TMA16: variants seen among roughly 807,000 people sequenced by gnomAD.
The protein encoded by TMA16 is translation machinery associated 16 homolog.
In TMA16, 26 loss-of-function variants were observed where a neutral mutation model predicts 27.1. The observed-to-expected ratio is 0.96, with a 90% CI of 0.70 to 1.33. TMA16 has a LOEUF of 1.33. Among genes scored for constraint, TMA16 ranks in the 40% most tolerant of loss-of-function variants. The probability of loss-of-function intolerance (pLI) is 0.00; values close to 1 mark genes in which losing one functional copy is unlikely to be tolerated. For missense variants in TMA16, 233 were observed against 241.4 expected (o/e 0.97, Z 0.23); for synonymous variants, 71 against 81.9 (o/e 0.87, Z 0.72).
intron 2 of TMA16, among the ~76,000 whole-genome samples, chr4:163,509,453 AAC>A (rs1220475194): frequency 6.6e-6 from 1 of 152,208 alleles, no homozygotes; most frequent in East Asian, 1.9e-4. Flanking sequence ...GCTTAAAACA[AAC>A]ACAGTTTCTG....
At chr4:163,511,593 T>C (rs1269907634) in intron 2 of TMA16, among the ~76,000 whole-genome samples, 2 of 151,898 alleles carry the variant, frequency 1.3e-5, no homozygotes, top group Non-Finnish European at 2.9e-5. Context: ...AGAGGACCGC[T>C]TGAGGCCAGG....
chr4:163,517,812 T>C (rs974607906), intron 6 of TMA16, among the ~76,000 whole-genome samples: 4 of 152,102 alleles, frequency 2.6e-5, no homozygotes, highest in Non-Finnish European at 4.4e-5. Context: ...CAGAGTCATA[T>C]CCCCAGGCTG....
At position 163,513,445 on chromosome 4, in the gene TMA16, A is replaced by C. The variant is rs536418723; in HGVS notation, c.154+586A>C. ...GGCCGGGTGATTTTTTTTGATCTGT[A>C]ATCTTGAGAAATCTAACTGAAAGTG... On this transcript the variant is annotated intron_variant, in intron 3 of 6. Coordinates refer to ENST00000358572, the MANE Select transcript of TMA16 (RefSeq NM_018352.3). Among the ~76,000 whole-genome samples, 359 of 152,224 alleles carry C rather than the reference A, an allele frequency of 2.4e-3. 1 individual carries two copies. Among genetic ancestry groups the C allele is most frequent in the African/African-American group, 8.3e-3 (344 of 41,538 alleles).
intron 5 of TMA16, chr4:163,517,029 G>A (rs747734907): frequency 2.3e-4 from 36 of 159,666 alleles, no homozygotes; most frequent in Middle Eastern, 3.1e-3. Flanking sequence ...TCAGCCTCCC[G>A]AGTAGCTGGG....
chr4:163,519,309 C>CTT (rs374376787), intron 6 of TMA16, 25 bp from the exon 7 acceptor site: 46 of 1,209,980 alleles, frequency 3.8e-5, no homozygotes, highest in South Asian at 1.9e-4. Flanking sequence ...ACTCTGCACT[C>CTT]TTTTTTTTTT....
intron 2 of TMA16, among the ~76,000 whole-genome samples, chr4:163,511,426 AG>A (rs2110805749): frequency 6.6e-6 from 1 of 152,264 alleles, no homozygotes; most frequent in African/African-American, 2.4e-5. Flanking sequence ...GTTGTTAAGT[AG>A]TAAGGACTGT....
chr4:163,495,564 C>T (rs1240423564), intron 1 of TMA16, among the ~76,000 whole-genome samples: 1 of 152,064 alleles, frequency 6.6e-6, no homozygotes, highest in African/African-American at 2.4e-5. Context: ...TTGTTTCTTG[C>T]CTATTTTTTA....
intron 1 of TMA16, among the ~76,000 whole-genome samples, chr4:163,496,134 A>AT (rs897283118): frequency 1.7e-4 from 26 of 151,260 alleles, no homozygotes; most frequent in South Asian, 6.3e-4. Flanking sequence ...TGGCTCTGTC[A>AT]TTTTTTTTTG....
At chr4:163,517,537 T>C in intron 6 of TMA16, 61 bp downstream of exon 6, 20 of 1,472,012 alleles carry the variant, frequency 1.4e-5, no homozygotes, top group Non-Finnish European at 1.9e-5. Flanking sequence ...AGGTGAACTT[T>C]CTTCCCCTTT....
intron 1 of TMA16, among the ~76,000 whole-genome samples, chr4:163,495,439 CCTT>C (rs1381312795): frequency 6.6e-6 from 1 of 152,150 alleles, no homozygotes; most frequent in Non-Finnish European, 1.5e-5. Context: ...CCCTGTGTTA[CCTT>C]CTTTGAACTT....
At chr4:163,504,568 G>A (rs992993195) in intron 1 of TMA16, among the ~76,000 whole-genome samples, 7 of 152,130 alleles carry the variant, frequency 4.6e-5, no homozygotes, top group Non-Finnish European at 7.4e-5. Context: ...TGCCATCTAT[G>A]CTCGCTGCAG....
rs1430567213 is a variant in TMA16, at chr4:163,507,194, T to C, written c.116+49T>C. 5 of 1,458,134 alleles carry C rather than the reference T, an allele frequency of 3.4e-6. No homozygotes were observed. In the South Asian group the frequency reaches 6.2e-5, roughly 18 times the overall value. 90.3% of individuals were successfully genotyped at this position (1,458,134 alleles called of 1,614,324 possible). On this transcript the variant is annotated intron_variant, in intron 2 of 6. Transcript: ENST00000358572. ...ATTACTCGTTGGTAAAAAGCCCCTT[T>C]ATACTTTTATCTTTCAAACATATAT...
chr4:163,501,846 C>G (rs1445954630), intron 1 of TMA16, among the ~76,000 whole-genome samples: 1 of 152,132 alleles, frequency 6.6e-6, no homozygotes, highest in African/African-American at 2.4e-5. Context: ...TTTTAGATCT[C>G]AGGTTACTTT....
At chr4:163,510,226 C>G (rs891809529) in intron 2 of TMA16, among the ~76,000 whole-genome samples, 7 of 152,136 alleles carry the variant, frequency 4.6e-5, no homozygotes, top group Non-Finnish European at 8.8e-5. Flanking sequence ...TTTTTAAGAT[C>G]AACTTTGGGG....
In TMA16 at chr4:163,519,429, T is replaced by G; in HGVS notation, c.527T>G (p.Ile176Ser). 6.2e-7 allele frequency: 1 copy of G among 1,605,818 alleles called. No homozygotes were observed. Among genetic ancestry groups the G allele is most frequent in the Non-Finnish European group, 8.5e-7 (1 of 1,177,196 alleles). The change falls in exon 7 of 7, where the codon ATT (isoleucine) becomes AGT (serine). Residue 176 changes from isoleucine (I) to serine (S), a missense_variant. Ile to Ser is a moderately radical substitution (Grantham distance 142). Coordinates refer to ENST00000358572, the MANE Select transcript of TMA16 (RefSeq NM_018352.3). Reference sequence around the variant, plus strand: ...CCCAAGACGTGCAAGAGGAAAACTATTATAACTGTAGACCAAGATTTGGGG... The same window carrying G: ...CCCAAGACGTGCAAGAGGAAAACTAGTATAACTGTAGACCAAGATTTGGGG... ...AIPKTCKRKTIITVDQDLGEL... is the reference protein window; with the variant it reads ...AIPKTCKRKTSITVDQDLGEL...
Position 163,497,103 on chromosome 4 carries a change from C to T in TMA16, c.3+2299C>T, listed in dbSNP as rs149650716. On this transcript the variant is annotated intron_variant, in intron 1 of 6. Coordinates refer to ENST00000358572, the MANE Select transcript of TMA16 (RefSeq NM_018352.3). ...CATTGAAAAGTGTGCCATCATCCTC[C>T]GTGCATTTATCCATGCACATTACTG... Among the ~76,000 whole-genome samples, 7 of 152,270 alleles carry T rather than the reference C, an allele frequency of 4.6e-5. No individual in the cohort carries two copies. The East Asian group carries it at 5.8e-4, about 13-fold the overall frequency.
intron 5 of TMA16, among the ~76,000 whole-genome samples, chr4:163,516,722 T>A (rs1299584000): frequency 6.6e-6 from 1 of 152,196 alleles, no homozygotes; most frequent in East Asian, 1.9e-4. Flanking sequence ...GATTTAAGTT[T>A]TATTGAACTT....
At position 163,497,422 on chromosome 4, in the gene TMA16, T is replaced by C. The variant is rs914446000; in HGVS notation, c.3+2618T>C. 2.0e-5 allele frequency among the ~76,000 whole-genome samples: 3 copies of C among 152,370 alleles called. No homozygotes were observed. The South Asian group carries it at 6.2e-4, about 32-fold the overall frequency. On this transcript the variant is annotated intron_variant, in intron 1 of 6. Transcript: ENST00000358572. The stretch of plus-strand genomic sequence containing the variant: ...TATTAACTGCCATAGTAAAGTGATA[T>C]GCATTTAGTGGCTTAAAGCAACACA...
chr4:163,514,364 G>A (rs1737844473), intron 4 of TMA16, among the ~76,000 whole-genome samples: 1 of 152,190 alleles, frequency 6.6e-6, no homozygotes, highest in Non-Finnish European at 1.5e-5. Flanking sequence ...TTGGGATCAG[G>A]ATGGGCTTCC....
Sources: gnomAD v4.1 joint callset for allele counts (sites outside exome capture counted in the v4.1 genomes callset) on GRCh38, gnomAD v4.1.1 for gene constraint, MANE v1.5 for transcripts, NCBI Gene and HGNC (gene_info 2026-07-23, HGNC 2026-07-21) for gene names.